DOCK3: variants seen among roughly 807,000 people sequenced by gnomAD.
The protein encoded by DOCK3 is dedicator of cytokinesis protein 3.
In DOCK3, 60 loss-of-function variants were observed where a neutral mutation model predicts 265.6. The observed-to-expected ratio is 0.23, with a 90% confidence interval of 0.18 to 0.28. The LOEUF (loss-of-function observed/expected upper bound fraction) is 0.28, where lower values mean the gene tolerates loss of function less well. DOCK3 is among the 10% of genes least tolerant of loss of function. The pLI, the probability that DOCK3 is intolerant of heterozygous loss-of-function variation, is 1.00. For synonymous variants in DOCK3, 881 were observed against 938.0 expected, an observed-to-expected ratio of 0.94 and a Z score of 1.11; for missense variants, 1,981 against 2,594.3, an observed-to-expected ratio of 0.76 and a Z score of 5.14.
chr3:51,264,829 A>AAAAAAAATAAATAAATAAAT (rs371752873), intron 23 of DOCK3, among the ~76,000 whole-genome samples: 1 of 142,160 alleles, frequency 7.0e-6, no homozygotes, highest in Non-Finnish European at 1.5e-5. Flanking sequence ...TCAGTCTCAA[A>AAAAAAAATAAATAAATAAAT]AAATAAATAA....
intron 1 of DOCK3, among the ~76,000 whole-genome samples, chr3:50,775,034 A>G (rs1483533268): frequency 2.0e-5 from 3 of 151,960 alleles, no homozygotes; most frequent in Non-Finnish European, 4.4e-5. Flanking sequence ...CTTTTTATGC[A>G]TAGTTGGATT....
intron 5 of DOCK3, among the ~76,000 whole-genome samples, chr3:51,054,511 A>G (rs1024485283): frequency 3.3e-5 from 5 of 152,118 alleles, no homozygotes; most frequent in Non-Finnish European, 5.9e-5. Flanking sequence ...ATTTCTTTCA[A>G]TTCTAGGACA....
chr3:50,837,491 G>A (rs2045577968), intron 2 of DOCK3, among the ~76,000 whole-genome samples: 2 of 152,094 alleles, frequency 1.3e-5, no homozygotes, highest in South Asian at 4.1e-4. Flanking sequence ...GATCTTGTGG[G>A]AACTCACTAT....
chr3:50,985,827 AT>A (rs1388090022), intron 5 of DOCK3, among the ~76,000 whole-genome samples: 1 of 151,540 alleles, frequency 6.6e-6, no homozygotes, highest in Non-Finnish European at 1.5e-5. Flanking sequence ...TATTTATTAA[AT>A]TAAATTAATT....
intron 1 of DOCK3, among the ~76,000 whole-genome samples, chr3:50,694,161 T>C (rs2035453567): frequency 6.6e-6 from 1 of 151,784 alleles, no homozygotes; most frequent in African/African-American, 2.4e-5. Flanking sequence ...TCCCAGCTAC[T>C]GGGGAGGCTG....
At chr3:51,158,124 A>G (rs2085946279) in intron 10 of DOCK3, among the ~76,000 whole-genome samples, 1 of 152,194 alleles carries the variant, frequency 6.6e-6, no homozygotes, top group African/African-American at 2.4e-5. Flanking sequence ...AATGGCTGAG[A>G]GAGCAGCAAG....
intron 4 of DOCK3, among the ~76,000 whole-genome samples, chr3:50,907,381 G>A (rs1156886178): frequency 6.6e-6 from 1 of 151,958 alleles, no homozygotes; most frequent in Non-Finnish European, 1.5e-5. Flanking sequence ...ATTATTGTTT[G>A]GAGTCTAAGT....
At chr3:50,740,699 A>G (rs1258189543) in intron 1 of DOCK3, among the ~76,000 whole-genome samples, 2 of 152,014 alleles carry the variant, frequency 1.3e-5, no homozygotes, top group African/African-American at 4.8e-5. Context: ...TTTTCTCATT[A>G]TTGGGTTTTT....
In DOCK3 at chr3:51,166,009, A is replaced by G. The variant is rs141140424; in HGVS notation, c.1037+5307A>G. Among the ~76,000 whole-genome samples the G allele has an allele frequency of 2.9e-3, 437 of 148,224 alleles. 2 individuals carry two copies. The highest frequency in any genetic ancestry group is 0.01 in the African/African-American group (418 of 40,714). ...TATATATTCTTTATTATGTATAATT[A>G]TATATATTATTTTTATTCAAAGAAC... On this transcript the variant is annotated intron_variant, in intron 12 of 52. Transcript: ENST00000266037.
At chr3:51,109,850 T>C (rs1359298897) in intron 9 of DOCK3, among the ~76,000 whole-genome samples, 2 of 152,008 alleles carry the variant, frequency 1.3e-5, no homozygotes, top group Non-Finnish European at 2.9e-5. Flanking sequence ...GAAGGATTGC[T>C]TGGATCTGAG....
rs1226864907 is a variant in DOCK3 at position 50,680,169 on chromosome 3, T to G, written c.37+4869T>G. On this transcript the variant is annotated intron_variant, in intron 1 of 52. Coordinates refer to ENST00000266037, the MANE Select transcript of DOCK3 (RefSeq NM_004947.5). The stretch of plus-strand genomic sequence containing the variant: ...TTCAATTTAAACTGGATAGTTATAT[T>G]TAAGGAATTTTATTTCTGTATTGGA... Among the ~76,000 whole-genome samples, 3 of 152,166 alleles carry G rather than the reference T, an allele frequency of 2.0e-5. No individual in the cohort carries two copies. In the East Asian group the frequency reaches 5.8e-4, roughly 29 times the overall value.
intron 22 of DOCK3, among the ~76,000 whole-genome samples, chr3:51,256,217 G>A (rs927115900): frequency 2.0e-5 from 3 of 152,192 alleles, no homozygotes; most frequent in East Asian, 1.9e-4. Context: ...CATCGCTCAC[G>A]CTGGGAGCTG....
chr3:51,075,371 C>T lies in DOCK3; in HGVS notation c.480C>T (p.Asp160=). ...TCTTTACTAGACATTTGGGCCTGGACCTGGTGCCTCGGAAGGACTTTGAAG... is the reference window on the plus strand; with the variant it reads ...TCTTTACTAGACATTTGGGCCTGGATCTGGTGCCTCGGAAGGACTTTGAAG... The part of the protein sequence containing the change: ...LDWGNEHLGL[D]LVPRKDFEVV... The change falls in exon 7 of 53, where the codon GAC becomes GAT. Residue 160 remains aspartate (D), a synonymous_variant. Coordinates refer to ENST00000266037, the MANE Select transcript of DOCK3 (RefSeq NM_004947.5). 6.2e-7 allele frequency: 1 copy of T among 1,610,802 alleles called. No individual in the cohort carries two copies. Among genetic ancestry groups the T allele is most frequent in the Non-Finnish European group, 8.5e-7 (1 of 1,178,678 alleles).
At chr3:51,047,097 A>T (rs1484771355) in intron 5 of DOCK3, among the ~76,000 whole-genome samples, 1 of 152,164 alleles carries the variant, frequency 6.6e-6, no homozygotes, top group Non-Finnish European at 1.5e-5. Flanking sequence ...GATCTTAAAT[A>T]AACAGTCCAA....
At position 50,754,026 on chromosome 3, in the gene DOCK3, C is replaced by T. The variant is rs149049326; in HGVS notation, c.38-24649C>T. 2.7e-3 allele frequency among the ~76,000 whole-genome samples: 404 copies of T among 151,822 alleles called. 5 individuals carry two copies. The highest frequency in any genetic ancestry group is 9.1e-3 in the African/African-American group (375 of 41,382). On this transcript the variant is annotated intron_variant, in intron 1 of 52. Transcript: ENST00000266037. ...CAAAAATTAGCTGGGCGTGGTGTCA[C>T]GCGCCTGTAGTCCCAGCTACTTGGG...
At chr3:51,017,353 T>A (rs999075616) in intron 5 of DOCK3, among the ~76,000 whole-genome samples, 33 of 151,630 alleles carry the variant, frequency 2.2e-4, no homozygotes, top group Admixed American at 6.6e-4. Flanking sequence ...GTATTTTTTT[T>A]AAATTTCTTT....
chr3:51,137,498 G>A (rs920981582), intron 9 of DOCK3, among the ~76,000 whole-genome samples: 3 of 152,136 alleles, frequency 2.0e-5, no homozygotes, highest in Non-Finnish European at 2.9e-5. Context: ...CCTTAGTGCC[G>A]GGCATGGGCT....
intron 12 of DOCK3, among the ~76,000 whole-genome samples, chr3:51,182,260 TAAC>T (rs1295995716): frequency 2.6e-5 from 4 of 152,224 alleles, no homozygotes; most frequent in African/African-American, 9.6e-5. Flanking sequence ...TTCTCATCGT[TAAC>T]AATATCTATC....
intron 5 of DOCK3, among the ~76,000 whole-genome samples, chr3:51,035,874 G>T (rs545200149): frequency 2.0e-5 from 3 of 152,204 alleles, no homozygotes; most frequent in African/African-American, 7.2e-5. Flanking sequence ...CCAAAGACTT[G>T]ATCTGCATTT....
Sources: allele counts gnomAD v4.1 joint callset (sites outside exome capture counted in the v4.1 genomes callset), GRCh38; gene constraint gnomAD v4.1.1; transcripts MANE v1.5; gene names NCBI Gene and HGNC (gene_info 2026-07-23, HGNC 2026-07-21).